ST8SIA2: variants seen among roughly 807,000 people sequenced by gnomAD.
ST8SIA2 encodes the protein alpha-2,8-sialyltransferase 8B.
Under a neutral mutation model 37.6 loss-of-function variants are expected in ST8SIA2, and 22 were observed. The observed-to-expected ratio is 0.58, with a 90% CI of 0.42 to 0.83. ST8SIA2 has a LOEUF of 0.83. Among genes scored for constraint, ST8SIA2 ranks in the 40% least tolerant of loss-of-function variants. ST8SIA2 has a pLI of 0.00. For synonymous variants in ST8SIA2, 205 were observed against 201.2 expected, an observed-to-expected ratio of 1.02 and a Z score of -0.16; for missense variants, 382 against 484.7, an observed-to-expected ratio of 0.79 and a Z score of 1.99.
rs146773760 is a variant in ST8SIA2 at position 92,417,039 on chromosome 15, T to C, written c.99-13010T>C. Among the ~76,000 whole-genome samples the C allele has an allele frequency of 2.6e-5, 4 of 152,330 alleles. 1 individual carries two copies. The highest frequency in any genetic ancestry group is 9.6e-5 in the African/African-American group (4 of 41,560). On this transcript the variant is annotated intron_variant, in intron 1 of 5. Transcript: ENST00000268164. ...ACAGGCAGCAACTGGTTTGTTCCTT[T>C]CCAAAGGGCAGTAGCCATCACCTTC...
At chr15:92,399,138 C>T (rs897013981) in intron 1 of ST8SIA2, among the ~76,000 whole-genome samples, 3 of 152,324 alleles carry the variant, frequency 2.0e-5, no homozygotes, top group African/African-American at 7.2e-5. Flanking sequence ...GCTAAAGTGA[C>T]AGGAGGAAGG....
At position 92,435,886 on chromosome 15, in the gene ST8SIA2, G is replaced by A. The variant is rs528790182; in HGVS notation, c.290+1511G>A. On this transcript the variant is annotated intron_variant, in intron 3 of 5. Coordinates refer to ENST00000268164, the MANE Select transcript of ST8SIA2 (RefSeq NM_006011.4). ...AACAAATTACCAACAACGCGGCGGC[G>A]GCCTAAAACAACAGAAATGTATTCT... Among the ~76,000 whole-genome samples, 11 of 152,164 alleles carry A rather than the reference G, an allele frequency of 7.2e-5. No individual in the cohort carries two copies. In the South Asian group the frequency reaches 8.3e-4, roughly 12 times the overall value.
At chr15:92,435,168 T>C (rs1567218472) in intron 3 of ST8SIA2, among the ~76,000 whole-genome samples, 1 of 152,060 alleles carries the variant, frequency 6.6e-6, no homozygotes, top group Non-Finnish European at 1.5e-5. Context: ...GCTGGGGACA[T>C]GAATATAAGC....
At chr15:92,396,344 G>A (rs1271370650) in intron 1 of ST8SIA2, among the ~76,000 whole-genome samples, 2 of 152,278 alleles carry the variant, frequency 1.3e-5, no homozygotes, top group East Asian at 3.9e-4. Context: ...TTAATCCAGA[G>A]GAATGGAGGC....
chr15:92,436,305 A>G (rs571563492), intron 3 of ST8SIA2, among the ~76,000 whole-genome samples: 2 of 152,098 alleles, frequency 1.3e-5, no homozygotes, highest in African/African-American at 4.8e-5. Context: ...ATGGTCCCCA[A>G]TGTCCCTTTC....
intron 4 of ST8SIA2, among the ~76,000 whole-genome samples, chr15:92,439,470 G>A (rs1330843086): frequency 1.3e-5 from 2 of 152,162 alleles, no homozygotes; most frequent in Non-Finnish European, 2.9e-5. Context: ...TAGGGCACGC[G>A]GAGCCTCGAG....
chr15:92,464,072 C>A, intron 5 of ST8SIA2, 28 bp from the exon 6 acceptor site: 3 of 1,271,954 alleles, frequency 2.4e-6, no homozygotes, highest in Non-Finnish European at 3.0e-6. Flanking sequence ...TGTTTCTTTT[C>A]TTTTTTTTTT....
At chr15:92,429,979 C>T in intron 1 of ST8SIA2, 70 bp from the exon 2 acceptor site, 1 of 1,551,346 alleles carries the variant, frequency 6.4e-7, no homozygotes. Context: ...TATGGGATCT[C>T]CTGGCAATTG....
intron 5 of ST8SIA2, among the ~76,000 whole-genome samples, chr15:92,451,748 G>A (rs777513357): frequency 6.6e-6 from 1 of 152,154 alleles, no homozygotes; most frequent in African/African-American, 2.4e-5. Flanking sequence ...CATGTCATGA[G>A]AGGACTACTG....
chr15:92,435,880 G>A (rs568421485), intron 3 of ST8SIA2, among the ~76,000 whole-genome samples: 4 of 152,142 alleles, frequency 2.6e-5, no homozygotes, highest in Admixed American at 2.0e-4. Context: ...CCAACAACGC[G>A]GCGGCGGCCT....
intron 1 of ST8SIA2, among the ~76,000 whole-genome samples, chr15:92,395,295 C>G (rs1003322487): frequency 6.6e-6 from 1 of 152,242 alleles, no homozygotes; most frequent in Admixed American, 6.5e-5. Flanking sequence ...GCGTGCGCCC[C>G]TCCTTTGTCC....
chr15:92,434,190 T>C (rs1596241001), intron 2 of ST8SIA2, 57 bp from the exon 3 acceptor site: 1 of 1,610,324 alleles, frequency 6.2e-7, no homozygotes, highest in African/African-American at 1.3e-5. Flanking sequence ...CTATTAGACT[T>C]GTCGTCGGCT....
chr15:92,446,176 T>TG (rs1037173809), intron 5 of ST8SIA2, among the ~76,000 whole-genome samples: 4 of 152,162 alleles, frequency 2.6e-5, no homozygotes, highest in East Asian at 3.9e-4. Context: ...AGTAAAACAG[T>TG]GGGGGGCTGA....
At chr15:92,410,522 C>T (rs556117254) in intron 1 of ST8SIA2, among the ~76,000 whole-genome samples, 33 of 152,292 alleles carry the variant, frequency 2.2e-4, no homozygotes, top group Non-Finnish European at 4.0e-4. Context: ...ATTGGTGTTC[C>T]CGTCAAATGA....
chr15:92,396,790 A>G (rs1179967754), intron 1 of ST8SIA2, among the ~76,000 whole-genome samples: 1 of 152,178 alleles, frequency 6.6e-6, no homozygotes, highest in African/African-American at 2.4e-5. Flanking sequence ...CTCCCGGCAC[A>G]AGTGAGGTTT....
intron 5 of ST8SIA2, among the ~76,000 whole-genome samples, chr15:92,461,270 C>A (rs575107050): frequency 6.6e-6 from 1 of 152,210 alleles, no homozygotes; most frequent in Admixed American, 6.5e-5. Flanking sequence ...CTGGTACCAC[C>A]CCGCCCCAGC....
At chr15:92,432,562 A>G (rs2049723498) in intron 2 of ST8SIA2, among the ~76,000 whole-genome samples, 1 of 152,180 alleles carries the variant, frequency 6.6e-6, no homozygotes, top group African/African-American at 2.4e-5. Flanking sequence ...TTTCCACTGT[A>G]CCCAATGCGT....
At chr15:92,461,583 C>T (rs2049958121) in intron 5 of ST8SIA2, among the ~76,000 whole-genome samples, 1 of 152,192 alleles carries the variant, frequency 6.6e-6, no homozygotes, top group South Asian at 2.1e-4. Flanking sequence ...TCAAAGGAAT[C>T]TCAATCTGAG....
intron 5 of ST8SIA2, among the ~76,000 whole-genome samples, chr15:92,457,211 T>A (rs897463): frequency 0.6 from 91,426 of 151,992 alleles, 27,964 homozygotes; most frequent in East Asian, 0.93. Flanking sequence ...CTGTGAGGCA[T>A]TCCTGCTCCT....
Sources: gnomAD v4.1 joint callset for allele counts (sites outside exome capture counted in the v4.1 genomes callset) on GRCh38, gnomAD v4.1.1 for gene constraint, MANE v1.5 for transcripts, NCBI Gene and HGNC (gene_info 2026-07-23, HGNC 2026-07-21) for gene names.